The following RLF variants were observed in gnomAD, a reference collection of about 807,000 sequenced individuals.
The protein encoded by RLF is zinc finger protein Rlf.
In RLF, 7 loss-of-function variants were observed where a neutral mutation model predicts 162.9. That is an observed-to-expected ratio of 0.04 (90% CI 0.02 to 0.08). The LOEUF is 0.08. Among genes scored for constraint, RLF ranks in the 10% least tolerant of loss-of-function variants. RLF has a pLI of 1.00. For synonymous variants in RLF, 782 were observed against 791.5 expected, an observed-to-expected ratio of 0.99 and a Z score of 0.20; for missense variants, 1,664 against 2,244.7, an observed-to-expected ratio of 0.74 and a Z score of 5.23.
At chr1:40,213,228 G>T (rs1642884915) in intron 5 of RLF, among the ~76,000 whole-genome samples, 1 of 152,182 alleles carries the variant, frequency 6.6e-6, no homozygotes, top group Non-Finnish European at 1.5e-5. Context: ...CGTCTTCCCA[G>T]AACTTTGTAT....
chr1:40,174,946 T>C (rs1642299446), intron 1 of RLF, among the ~76,000 whole-genome samples: 2 of 152,310 alleles, frequency 1.3e-5, no homozygotes, highest in Non-Finnish European at 2.9e-5. Flanking sequence ...ACACCTGTAA[T>C]CCCAGTGCTT....
In RLF at chr1:40,236,856, C is replaced by T; in HGVS notation, c.2154C>T (p.Tyr718=). The change falls in exon 8 of 8, where the codon TAC becomes TAT. Residue 718 remains tyrosine (Y), a synonymous_variant. Coordinates refer to ENST00000372771, the MANE Select transcript of RLF (RefSeq NM_012421.4). The surrounding 1 kb of genome is among the most constrained non-coding windows in gnomAD (Gnocchi z 7.7). Reference sequence around the variant, plus strand: ...AAAATAGAAGAGAGAAGTGTACTTACTGTCGACGACATTTTATGTCTGCTT... The same window carrying T: ...AAAATAGAAGAGAGAAGTGTACTTATTGTCGACGACATTTTATGTCTGCTT... ...DMKNRREKCT[Y]CRRHFMSAFH... 1.9e-6 allele frequency: 3 copies of T among 1,614,174 alleles called. No homozygotes were observed. The highest frequency in any genetic ancestry group is 1.1e-5 in the South Asian group (1 of 91,080).
At chr1:40,220,715 G>C (rs1642980920) in intron 5 of RLF, among the ~76,000 whole-genome samples, 1 of 152,058 alleles carries the variant, frequency 6.6e-6, no homozygotes, top group South Asian at 2.1e-4. Flanking sequence ...ATTTTGATAT[G>C]GCTATTTTTC....
At chr1:40,227,699 T>TA (rs1207378911) in intron 6 of RLF, among the ~76,000 whole-genome samples, 2 of 152,252 alleles carry the variant, frequency 1.3e-5, no homozygotes, top group East Asian at 3.9e-4. Flanking sequence ...CATTCTGACT[T>TA]ACTGTTTTAA....
intron 1 of RLF, among the ~76,000 whole-genome samples, chr1:40,175,640 C>T (rs1642314599): frequency 6.6e-6 from 1 of 151,824 alleles, no homozygotes; most frequent in African/African-American, 2.4e-5. Context: ...CAGAGTGAGA[C>T]TCCGACTCAA....
intron 1 of RLF, among the ~76,000 whole-genome samples, chr1:40,178,754 G>A (rs1342531964): frequency 2.7e-5 from 4 of 150,098 alleles, no homozygotes; most frequent in Non-Finnish European, 5.9e-5. Flanking sequence ...AAACTCCTGA[G>A]CTCAAGCAGT....
At chr1:40,228,385 AC>A (rs1385242102) in intron 6 of RLF, among the ~76,000 whole-genome samples, 5 of 151,640 alleles carry the variant, frequency 3.3e-5, no homozygotes, top group African/African-American at 1.2e-4. Flanking sequence ...GGAGTTCAAG[AC>A]CAGCCTGGCC....
chr1:40,224,926 G>A (rs1300246653), intron 6 of RLF, among the ~76,000 whole-genome samples: 1 of 151,848 alleles, frequency 6.6e-6, no homozygotes, highest in Non-Finnish European at 1.5e-5. Flanking sequence ...GGCGGAGGTT[G>A]CAGTGAGCCG....
At position 40,161,426 on chromosome 1, in the gene RLF, C is replaced by A. The variant is rs748378380; in HGVS notation, c.27C>A (p.Ala9=). 6.4e-7 allele frequency: 1 copy of A among 1,551,420 alleles called. No individual in the cohort carries two copies. The highest frequency in any genetic ancestry group is 2.2e-5 in the Admixed American group (1 of 45,368). MADGKGDA[A]AVAGAGAEAP... ...TGGCGGACGGAAAGGGAGACGCCGC[C>A]GCTGTCGCCGGGGCTGGGGCTGAGG... Residue 9 remains alanine (A), a synonymous_variant, in exon 1 of 8, where the codon GCC becomes GCA. Coordinates refer to ENST00000372771, the MANE Select transcript of RLF (RefSeq NM_012421.4). The surrounding 1 kb of genome is among the most constrained non-coding windows in gnomAD (Gnocchi z 4.4).
At position 40,234,412 on chromosome 1, in the gene RLF, A is replaced by G. The variant is rs1040302186; in HGVS notation, c.1090-1380A>G. 8.5e-5 allele frequency among the ~76,000 whole-genome samples: 13 copies of G among 152,346 alleles called. No homozygotes were observed. In the East Asian group the frequency reaches 2.1e-3, roughly 25 times the overall value. ...GCTGTAGTAGGGGTTCTGTAAATCA[A>G]TGACAGTGATTTCTTTGTGTTCCCA... On this transcript the variant is annotated intron_variant, in intron 7 of 7. Coordinates refer to ENST00000372771, the MANE Select transcript of RLF (RefSeq NM_012421.4).
chr1:40,238,623 C>T lies in RLF; in HGVS notation c.3921C>T (p.His1307=), dbSNP rs892819812. 7.4e-6 allele frequency: 12 copies of T among 1,613,384 alleles called. No individual in the cohort carries two copies. Among genetic ancestry groups the T allele is most frequent in the Middle Eastern group, 1.6e-4 (1 of 6,084 alleles). ...TGTGTTATATTTTGAATAAATACCA[C>T]AAACCATTCCATTGTATTCATAAAA... is the stretch of plus-strand genomic sequence containing the variant. ...GNLCYILNKY[H]KPFHCIHKTC... is the part of the protein sequence containing the mutation. Residue 1307 remains histidine (H), a synonymous_variant, in exon 8 of 8, where the codon CAC becomes CAT. Transcript: ENST00000372771. This position sits in a 1 kb window ranked among gnomAD's most constrained non-coding sequence, Gnocchi z 5.2.
chr1:40,229,448 C>CTTTTT (rs1005418216), intron 6 of RLF, among the ~76,000 whole-genome samples: 49 of 90,966 alleles, frequency 5.4e-4, no homozygotes, highest in African/African-American at 6.4e-4. Flanking sequence ...ATTCATTTAT[C>CTTTTT]TTTTTTTTTT....
At chr1:40,216,262 C>A (rs893158818) in intron 5 of RLF, among the ~76,000 whole-genome samples, 10 of 152,218 alleles carry the variant, frequency 6.6e-5, no homozygotes, top group Middle Eastern at 3.4e-3. Context: ...GCGGATAGAT[C>A]ACATGAGGCC....
chr1:40,214,954 TG>T (rs1642907251), intron 5 of RLF, among the ~76,000 whole-genome samples: 1 of 114,398 alleles, frequency 8.7e-6, no homozygotes, highest in African/African-American at 3.5e-5. Flanking sequence ...AACTAAAGTA[TG>T]AGAACAATGT....
intron 5 of RLF, among the ~76,000 whole-genome samples, chr1:40,203,949 C>G (rs535428158): frequency 1.4e-4 from 22 of 152,098 alleles, no homozygotes; most frequent in Admixed American, 4.6e-4. Flanking sequence ...CCCTTATCCC[C>G]CTTATGTATT....
chr1:40,161,615 C>A lies in RLF; in HGVS notation c.216C>A (p.Asn72Lys). The A allele has an allele frequency of 6.2e-7, 1 of 1,612,854 alleles. No homozygotes were observed. Among genetic ancestry groups the A allele is most frequent in the Non-Finnish European group, 8.5e-7 (1 of 1,179,472 alleles). Residue 72 changes from asparagine to lysine, a missense_variant, in exon 1 of 8, where the codon AAC (asparagine) becomes AAA (lysine). Asn to Lys is a moderately conservative substitution (Grantham distance 94, BLOSUM62 0). This residue lies in a region of RLF where 134 missense variants were observed against 124.3 expected (regional missense o/e 1.08). Coordinates refer to ENST00000372771, the MANE Select transcript of RLF (RefSeq NM_012421.4). The surrounding 1 kb of genome is among the most constrained non-coding windows in gnomAD (Gnocchi z 4.4). ...AGGTGTCGGAGGTCTCATCTTTGAACTACTGCCGGAGCTTCTGCCAGGTGA... is the reference window on the plus strand; with the variant it reads ...AGGTGTCGGAGGTCTCATCTTTGAAATACTGCCGGAGCTTCTGCCAGGTGA... ...EQEVSEVSSL[N>K]YCRSFCQTLL... is the part of the protein sequence containing the mutation.
At chr1:40,219,038 G>A (rs1570553259) in intron 5 of RLF, among the ~76,000 whole-genome samples, 1 of 152,142 alleles carries the variant, frequency 6.6e-6, no homozygotes, top group Admixed American at 6.5e-5. Context: ...TCAAAAGTTT[G>A]TTGGTGACCT....
At position 40,161,985 on chromosome 1, in the gene RLF, C is replaced by G. The variant is rs144474713; in HGVS notation, c.237+349C>G. On this transcript the variant is annotated intron_variant, in intron 1 of 7. Transcript: ENST00000372771. The surrounding 1 kb of genome is among the most constrained non-coding windows in gnomAD (Gnocchi z 4.4). Reference sequence around the variant, plus strand: ...TGATTGCTTGTCCCTGCCGGGAGATCCTTTTTTGAGTGGAGTGCAGATCTC... The same window carrying G: ...TGATTGCTTGTCCCTGCCGGGAGATGCTTTTTTGAGTGGAGTGCAGATCTC... Among the ~76,000 whole-genome samples, 4 of 152,284 alleles carry G rather than the reference C, an allele frequency of 2.6e-5. No homozygotes were observed. In the East Asian group the frequency reaches 7.7e-4, roughly 29 times the overall value.
chr1:40,211,614 C>G (rs1642865880), intron 5 of RLF, among the ~76,000 whole-genome samples: 2 of 151,380 alleles, frequency 1.3e-5, no homozygotes, highest in Admixed American at 1.3e-4. Context: ...ACTAGTCAGT[C>G]TTTTTTTTTC....
Sources: gnomAD v4.1 joint callset for allele counts (sites outside exome capture counted in the v4.1 genomes callset) on GRCh38, gnomAD v4.1.1 for gene constraint, gnomAD v4.1.1 regional missense constraint, Gnocchi (gnomAD v3.1) non-coding constraint, MANE v1.5 for transcripts, NCBI Gene and HGNC (gene_info 2026-07-23, HGNC 2026-07-21) for gene names.